The following MAML2 variants were observed in gnomAD, a reference collection of about 807,000 sequenced individuals.
MAML2 encodes the protein mastermind like transcriptional coactivator 2, also known as mastermind-like protein 2.
MAML2 carries 22 observed loss-of-function variants against 96.1 expected under a neutral mutation model. The ratio of observed to expected loss-of-function variants is 0.23; its 90% CI spans 0.16 to 0.33. The LOEUF (loss-of-function observed/expected upper bound fraction) is 0.33, where lower values mean the gene tolerates loss of function less well. Among genes scored for constraint, MAML2 ranks in the 10% least tolerant of loss-of-function variants. The pLI is 1.00. For synonymous variants in MAML2, 561 were observed against 521.3 expected (o/e 1.08, Z -1.04); for missense variants, 1,367 against 1,392.4 (o/e 0.98, Z 0.29).
At chr11:96,038,248 TG>T (rs1289913389) in intron 2 of MAML2, among the ~76,000 whole-genome samples, 2 of 152,192 alleles carry the variant, frequency 1.3e-5, no homozygotes, top group African/African-American at 4.8e-5. Flanking sequence ...TTTGTTTGCT[TG>T]TTTGTTTTAC....
intron 2 of MAML2, among the ~76,000 whole-genome samples, chr11:95,992,317 C>G (rs574614743): frequency 5.9e-5 from 9 of 152,100 alleles, no homozygotes; most frequent in African/African-American, 2.2e-4. Flanking sequence ...TCAGGTATCT[C>G]GGCGCAAGAA....
chr11:96,003,435 C>T (rs1858129192), intron 2 of MAML2, among the ~76,000 whole-genome samples: 1 of 148,302 alleles, frequency 6.7e-6, no homozygotes, highest in Non-Finnish European at 1.5e-5. Context: ...TGTCTTTTTT[C>T]CCCACATGTA....
intron 4 of MAML2, among the ~76,000 whole-genome samples, chr11:95,980,615 G>A (rs960696956): frequency 1.3e-5 from 2 of 152,180 alleles, no homozygotes; most frequent in Non-Finnish European, 2.9e-5. Flanking sequence ...AATGCACTGT[G>A]AGCCACCTTT....
rs150196147 is a variant in MAML2, at chr11:96,090,436, T to C, written c.2139+1456A>G. Among the ~76,000 whole-genome samples the C allele has an allele frequency of 3.3e-3, 497 of 152,254 alleles. 4 individuals carry two copies. Among genetic ancestry groups the C allele is most frequent in the African/African-American group, 0.012 (478 of 41,540 alleles). ...TTTTCTTTTCACTCCTATTGATAGGTGAGGAAATAGGCTTAGAGAAGTTCA... is the reference window on the plus strand; with the variant it reads ...TTTTCTTTTCACTCCTATTGATAGGCGAGGAAATAGGCTTAGAGAAGTTCA... On this transcript the variant is annotated intron_variant, in intron 2 of 4. Coordinates refer to ENST00000524717, the MANE Select transcript of MAML2 (RefSeq NM_032427.4).
rs551442475 is a variant in MAML2, at chr11:96,199,041, C to CA, written c.514-105525dup. Among the ~76,000 whole-genome samples the CA allele has an allele frequency of 3.2e-4, 49 of 151,576 alleles. 2 individuals are homozygous for CA. The South Asian group carries it at 6.0e-3, about 19-fold the overall frequency. ...TGAAACCCCATCTCTAATAAAAATA[C>CA]AAAAAAATTAGCCGGGCATGCTGGC... On this transcript the variant is annotated intron_variant, in intron 1 of 4. Coordinates refer to ENST00000524717, the MANE Select transcript of MAML2 (RefSeq NM_032427.4).
chr11:96,137,669 C>T (rs1422086321), intron 1 of MAML2, among the ~76,000 whole-genome samples: 2 of 152,172 alleles, frequency 1.3e-5, no homozygotes, highest in Non-Finnish European at 2.9e-5. Flanking sequence ...TACACATACA[C>T]TGTGTGAGTG....
At chr11:96,168,201 A>G (rs960266326) in intron 1 of MAML2, among the ~76,000 whole-genome samples, 12 of 152,306 alleles carry the variant, frequency 7.9e-5, no homozygotes, top group Middle Eastern at 3.4e-3. Flanking sequence ...AACAGTAGTA[A>G]CTATAAAGTT....
intron 2 of MAML2, among the ~76,000 whole-genome samples, chr11:96,042,706 G>T (rs1858834992): frequency 6.8e-6 from 1 of 146,522 alleles, no homozygotes; most frequent in Admixed American, 6.8e-5. Context: ...TGAAGTCCTT[G>T]TTAAGATGAT....
intron 1 of MAML2, among the ~76,000 whole-genome samples, chr11:96,320,672 T>A (rs985611709): frequency 1.3e-5 from 2 of 152,170 alleles, no homozygotes; most frequent in Non-Finnish European, 2.9e-5. Context: ...AAGACAGGAA[T>A]AGGAGTTTGT....
At chr11:96,141,948 T>C (rs1416188056) in intron 1 of MAML2, among the ~76,000 whole-genome samples, 1 of 152,148 alleles carries the variant, frequency 6.6e-6, no homozygotes, top group Non-Finnish European at 1.5e-5. Flanking sequence ...AGCCAAGGCG[T>C]TGGGGCGATC....
At chr11:96,294,778 T>G (rs1047838832) in intron 1 of MAML2, among the ~76,000 whole-genome samples, 1 of 152,120 alleles carries the variant, frequency 6.6e-6, no homozygotes, top group Admixed American at 6.6e-5. Context: ...AAAATAAGCA[T>G]GATTATTATT....
chr11:96,025,955 T>C (rs1858511105), intron 2 of MAML2, among the ~76,000 whole-genome samples: 1 of 152,224 alleles, frequency 6.6e-6, no homozygotes. Flanking sequence ...CTAACATTTA[T>C]TGAGGGCTTA....
chr11:96,158,095 G>A (rs901548810), intron 1 of MAML2, among the ~76,000 whole-genome samples: 1 of 152,174 alleles, frequency 6.6e-6, no homozygotes, highest in Non-Finnish European at 1.5e-5. Context: ...TCCAAGTCCT[G>A]TGGGGAAGGC....
At chr11:96,181,501 A>T (rs1284040099) in intron 1 of MAML2, among the ~76,000 whole-genome samples, 1 of 152,130 alleles carries the variant, frequency 6.6e-6, no homozygotes, top group Admixed American at 6.5e-5. Flanking sequence ...TAACCAAAAA[A>T]CTTTCTATTA....
intron 2 of MAML2, among the ~76,000 whole-genome samples, chr11:96,039,524 C>T (rs1178514680): frequency 6.6e-6 from 1 of 152,118 alleles, no homozygotes; most frequent in African/African-American, 2.4e-5. Context: ...GAGAAGATGA[C>T]ATTTGAGCTT....
At chr11:96,121,950 CTTTTTTTTTTTTTTTTTTT>C (rs71040130) in intron 1 of MAML2, among the ~76,000 whole-genome samples, 1 of 56,830 alleles carries the variant, frequency 1.8e-5, no homozygotes, top group African/African-American at 8.0e-5. Context: ...CCACGCCCGG[CTTTTTTTTTTTTTTTTTTT>C]TTTTTTTTTT....
chr11:96,106,209 G>T (rs1487731089), intron 1 of MAML2, among the ~76,000 whole-genome samples: 1 of 152,162 alleles, frequency 6.6e-6, no homozygotes, highest in African/African-American at 2.4e-5. Flanking sequence ...CCACCTGACA[G>T]ATTCTAATTC....
intron 1 of MAML2, among the ~76,000 whole-genome samples, chr11:96,239,817 G>A (rs1862409068): frequency 6.6e-6 from 1 of 152,134 alleles, no homozygotes; most frequent in African/African-American, 2.4e-5. Context: ...TCAAACATTT[G>A]TTAGTATTCT....
At chr11:96,235,980 G>A (rs150012227) in intron 1 of MAML2, among the ~76,000 whole-genome samples, 131 of 152,352 alleles carry the variant, frequency 8.6e-4, no homozygotes, top group African/African-American at 2.9e-3. Context: ...ACTTGTGCCA[G>A]AGATGAATGC....
Sources: gnomAD v4.1 joint callset for allele counts (sites outside exome capture counted in the v4.1 genomes callset) on GRCh38, gnomAD v4.1.1 for gene constraint, MANE v1.5 for transcripts, NCBI Gene and HGNC (gene_info 2026-07-23, HGNC 2026-07-21) for gene names.